The following VPS13B variants were observed in gnomAD, a reference collection of about 807,000 sequenced individuals.
VPS13B encodes intermembrane lipid transfer protein VPS13B.
Under a neutral mutation model 426.4 loss-of-function variants are expected in VPS13B, and 285 were observed. That is an observed-to-expected ratio of 0.67 (90% CI 0.61 to 0.74). VPS13B has a LOEUF of 0.74. Among genes scored for constraint, VPS13B ranks in the 30% least tolerant of loss-of-function variants. The probability of loss-of-function intolerance (pLI) is 0.00; values close to 1 mark genes in which losing one functional copy is unlikely to be tolerated. For synonymous variants in VPS13B, 1,676 were observed against 1,676.4 expected (o/e 1.00, Z 0.01); for missense variants, 4,537 against 4,782.6 (o/e 0.95, Z 1.51).
At chr8:99,107,790 A>C (rs1346940727) in intron 5 of VPS13B, among the ~76,000 whole-genome samples, 1 of 152,196 alleles carries the variant, frequency 6.6e-6, no homozygotes, top group Non-Finnish European at 1.5e-5. Context: ...AAAATGATTA[A>C]ATCAATTTAT....
chr8:99,193,078 A>T (rs1192738302), intron 17 of VPS13B, 21 bp downstream of exon 17: 1 of 1,612,384 alleles, frequency 6.2e-7, no homozygotes, highest in Admixed American at 1.7e-5. Context: ...AGTCTTTTTG[A>T]TAACTATATG....
At chr8:99,654,374 G>A (rs1175824671) in intron 34 of VPS13B, among the ~76,000 whole-genome samples, 1 of 152,116 alleles carries the variant, frequency 6.6e-6, no homozygotes, top group African/African-American at 2.4e-5. Flanking sequence ...GATGTTTAAT[G>A]GATCTAGATT....
rs909901860 is a variant in VPS13B at position 99,193,132 on chromosome 8, C to G, written c.2515+75C>G. The G allele has an allele frequency of 4.9e-6, 7 of 1,436,866 alleles. No individual in the cohort carries two copies. The African/African-American group carries it at 8.4e-5, about 17-fold the overall frequency. The allele number at this position is 1,436,866 out of a possible 1,614,324, so 89.0% of individuals were successfully genotyped here. A position where few individuals can be genotyped will look rare whatever the true frequency, so the allele number is the denominator to read the frequency against. On this transcript the variant is annotated intron_variant, in intron 17 of 61. Transcript: ENST00000357162. The stretch of plus-strand genomic sequence containing the variant: ...CAACTAATATTTTATTATGAAAATC[C>G]ATATGTCTAGCATGGTCAACTTAAA...
At chr8:99,022,916 GTTGGGT>G (rs1248530204) in intron 2 of VPS13B, among the ~76,000 whole-genome samples, 1 of 150,754 alleles carries the variant, frequency 6.6e-6, no homozygotes, top group African/African-American at 2.4e-5. Flanking sequence ...CTTGTTTTGG[GTTGGGT>G]TTGATTTTGT....
intron 58 of VPS13B, among the ~76,000 whole-genome samples, chr8:99,867,028 T>C (rs1471423690): frequency 6.6e-6 from 1 of 152,302 alleles, no homozygotes; most frequent in Admixed American, 6.5e-5. Flanking sequence ...TCATTCTGAA[T>C]CTGTCAATGC....
intron 5 of VPS13B, among the ~76,000 whole-genome samples, chr8:99,106,931 G>A (rs112799034): frequency 1.4e-3 from 217 of 152,246 alleles, no homozygotes; most frequent in African/African-American, 4.9e-3. Context: ...GTGTACCATT[G>A]ATATAGATTT....
rs1788156 is a variant in VPS13B at position 99,661,193 on chromosome 8, G to A, written c.5909-161G>A. Among the ~76,000 whole-genome samples, 20,712 of 151,940 alleles carry A rather than the reference G, an allele frequency of 0.14. 1,963 individuals are homozygous for A. The highest frequency in any genetic ancestry group is 0.39 in the East Asian group (2,005 of 5,170). Reference sequence around the variant, plus strand: ...ACAGTGATAGTTTATCTTTTTCAGCGCGAGTGCTTGTTTACTGTATGTGCA... The same window carrying A: ...ACAGTGATAGTTTATCTTTTTCAGCACGAGTGCTTGTTTACTGTATGTGCA... On this transcript the variant is annotated intron_variant, in intron 34 of 61. Transcript: ENST00000357162.
chr8:99,648,681 T>G (rs1312887610), intron 34 of VPS13B, among the ~76,000 whole-genome samples: 3 of 152,200 alleles, frequency 2.0e-5, no homozygotes, highest in Admixed American at 2.0e-4. Context: ...CATTTATAAT[T>G]GTCATAAATA....
intron 15 of VPS13B, among the ~76,000 whole-genome samples, chr8:99,159,637 A>G (rs971892633): frequency 6.6e-6 from 1 of 152,174 alleles, no homozygotes; most frequent in Non-Finnish European, 1.5e-5. Context: ...TGAGATGGTC[A>G]TTAGCATTTT....
chr8:99,323,693 TTAGA>T (rs759989684), intron 19 of VPS13B, among the ~76,000 whole-genome samples: 51 of 152,350 alleles, frequency 3.3e-4, no homozygotes, highest in African/African-American at 5.3e-4. Context: ...CAATTAAAAC[TTAGA>T]TAGGCTACCA....
intron 31 of VPS13B, among the ~76,000 whole-genome samples, chr8:99,568,050 A>G (rs1825270720): frequency 6.6e-6 from 1 of 152,166 alleles, no homozygotes; most frequent in East Asian, 1.9e-4. Context: ...AGAGTGTTTT[A>G]GGAAGAGCAA....
Position 99,511,049 on chromosome 8 carries a change from T to TA in VPS13B, c.4225-55_4225-54insA, listed in dbSNP as rs201718862. 6,643 of 1,597,762 alleles carry TA rather than the reference T, an allele frequency of 4.2e-3. 223 individuals carry two copies. In the African/African-American group the frequency reaches 0.076, roughly 18 times the overall value. On this transcript the variant is annotated intron_variant, in intron 28 of 61. Transcript: ENST00000357162. ...GAGGTCATTTTCTTCTTTCCAATTT[T>TA]TAAAAAAAATCTTTTTAATGAACTG...
chr8:99,193,867 C>T (rs1813744125), intron 17 of VPS13B, among the ~76,000 whole-genome samples: 1 of 152,010 alleles, frequency 6.6e-6, no homozygotes, highest in African/African-American at 2.4e-5. Context: ...TGCTTGGTAC[C>T]AGAGTGATTC....
At chr8:99,322,764 GGAAGTT>G (rs1208715526) in intron 19 of VPS13B, among the ~76,000 whole-genome samples, 1 of 152,142 alleles carries the variant, frequency 6.6e-6, no homozygotes, top group African/African-American at 2.4e-5. Flanking sequence ...AGGAATTTAA[GGAAGTT>G]GGAATGGATG....
At chr8:99,295,767 C>T (rs1820001858) in intron 19 of VPS13B, among the ~76,000 whole-genome samples, 1 of 152,134 alleles carries the variant, frequency 6.6e-6, no homozygotes, top group African/African-American at 2.4e-5. Flanking sequence ...AATGGCTCAT[C>T]CCTATAATCC....
At chr8:99,271,998 G>A (rs1486150486) in intron 17 of VPS13B, among the ~76,000 whole-genome samples, 1 of 152,138 alleles carries the variant, frequency 6.6e-6, no homozygotes, top group East Asian at 1.9e-4. Flanking sequence ...ATCATTTAAT[G>A]TGCTTGTTAA....
chr8:99,649,758 C>T (rs1330064389), intron 34 of VPS13B, among the ~76,000 whole-genome samples: 1 of 152,052 alleles, frequency 6.6e-6, no homozygotes, highest in African/African-American at 2.4e-5. Context: ...CTCTTAAAAC[C>T]ACAGGGGACT....
chr8:99,478,742 C>A (rs1215921550), intron 24 of VPS13B, among the ~76,000 whole-genome samples: 3 of 151,616 alleles, frequency 2.0e-5, no homozygotes, highest in Non-Finnish European at 2.9e-5. Context: ...AGCCACCACA[C>A]CTGGCGCGAG....
At chr8:99,143,646 A>G (rs185369315) in intron 13 of VPS13B, among the ~76,000 whole-genome samples, 1 of 152,148 alleles carries the variant, frequency 6.6e-6, no homozygotes, top group Non-Finnish European at 1.5e-5. Flanking sequence ...CAGTAAAGCA[A>G]CTCTAGAGTA....
Sources: gnomAD v4.1 joint callset for allele counts (sites outside exome capture counted in the v4.1 genomes callset) on GRCh38, gnomAD v4.1.1 for gene constraint, MANE v1.5 for transcripts, NCBI Gene and HGNC (gene_info 2026-07-23, HGNC 2026-07-21) for gene names.